RRN3: variants seen among roughly 807,000 people sequenced by gnomAD.
The protein encoded by RRN3 is RNA polymerase I-specific transcription initiation factor RRN3.
Under a neutral mutation model 82.3 loss-of-function variants are expected in RRN3, and 38 were observed. The ratio of observed to expected loss-of-function variants is 0.46; its 90% CI spans 0.36 to 0.61. The LOEUF (loss-of-function observed/expected upper bound fraction) is 0.61. Among genes scored for constraint, RRN3 ranks in the 20% least tolerant of loss-of-function variants. The pLI is 0.00. For missense variants in RRN3, 726 were observed against 793.1 expected, an observed-to-expected ratio of 0.92 and a Z score of 1.02; for synonymous variants, 284 against 284.3, an observed-to-expected ratio of 1.00 and a Z score of 0.01.
intron 12 of RRN3, 129 bp downstream of exon 12, chr16:15,072,821 G>T: frequency 1.1e-6 from 1 of 907,186 alleles, no homozygotes; most frequent in Non-Finnish European, 1.7e-6. Flanking sequence ...ATTTTATTAA[G>T]CAGACTAGCA....
intron 14 of RRN3, among the ~76,000 whole-genome samples, chr16:15,069,819 T>C (rs4012841): frequency 1.3e-5 from 2 of 152,204 alleles, no homozygotes; most frequent in African/African-American, 2.4e-5. Context: ...CATTTCAAAC[T>C]TTCAAAGGCA....
At chr16:15,086,001 G>A in intron 5 of RRN3, 128 bp downstream of exon 5, 1 of 657,876 alleles carries the variant, frequency 1.5e-6, no homozygotes, top group Non-Finnish European at 2.7e-6. Flanking sequence ...GGGAATATAT[G>A]TCTACCAGAC....
chr16:15,063,370 T>C, intron 16 of RRN3, 87 bp from the exon 17 acceptor site: 2 of 975,528 alleles, frequency 2.1e-6, no homozygotes, highest in South Asian at 2.6e-5. Flanking sequence ...CAAGATCTAT[T>C]ACCCAAAACC....
rs1429063890 is a variant in RRN3, at chr16:15,083,516, T to G, written c.663A>C (p.Thr221=). Residue 221 remains threonine (T), a synonymous_variant, in exon 8 of 18, where the codon ACA becomes ACC. Coordinates refer to ENST00000198767, the MANE Select transcript of RRN3 (RefSeq NM_018427.5). ...KFPFVRKSER[T]LECYVHNLLR... ...TCTCAATGAAAAGATTTCTTACCAG[T>G]GTTCTCTCTGATTTTCGAACAAATG... 10 of 1,609,244 alleles carry G rather than the reference T, an allele frequency of 6.2e-6. No individual in the cohort carries two copies. Among genetic ancestry groups the G allele is most frequent in the Non-Finnish European group, 8.5e-6 (10 of 1,179,176 alleles).
intron 9 of RRN3, among the ~76,000 whole-genome samples, chr16:15,079,528 T>G (rs2045607074): frequency 6.6e-6 from 1 of 152,186 alleles, no homozygotes; most frequent in African/African-American, 2.4e-5. Flanking sequence ...GAAGGAACTG[T>G]CTACAACTCC....
chr16:15,087,092 A>G (rs1188499854), intron 3 of RRN3, among the ~76,000 whole-genome samples: 6 of 152,232 alleles, frequency 3.9e-5, no homozygotes, highest in Non-Finnish European at 8.8e-5. Flanking sequence ...AGTGTCAATT[A>G]TGTAAAATAT....
At chr16:15,079,211 C>T (rs1399887931) in intron 9 of RRN3, among the ~76,000 whole-genome samples, 4 of 152,178 alleles carry the variant, frequency 2.6e-5, no homozygotes, top group Non-Finnish European at 5.9e-5. Flanking sequence ...GCCTCCCCTC[C>T]TCCAAACCAG....
At chr16:15,094,290 C>T, upstream of RRN3, 3 of 1,400,212 alleles carry the variant, frequency 2.1e-6, no homozygotes, top group South Asian at 1.2e-5. Context: ...TCCTTCCAGC[C>T]ACAGCCTCTG....
At position 15,061,837 on chromosome 16, in the gene RRN3, C is replaced by A; in HGVS notation, c.1863G>T (p.Gly621=). ...GEVPQNDTVI[G]ITPSSFDTHF... is the part of the protein sequence containing the mutation. The stretch of plus-strand genomic sequence containing the variant: ...GCGTGTCAAAGGAGCTTGGTGTGAT[C>A]CCAATCACGGTATCATTCTGGGGCA... Residue 621 remains glycine, a synonymous_variant, in exon 18 of 18, where the codon GGG becomes GGT. Coordinates refer to ENST00000198767, the MANE Select transcript of RRN3 (RefSeq NM_018427.5). 7 of 1,614,038 alleles carry A rather than the reference C, an allele frequency of 4.3e-6. No homozygotes were observed. The South Asian group carries it at 7.7e-5, about 18-fold the overall frequency.
chr16:15,063,662 G>A lies in RRN3; in HGVS notation c.1707-379C>T, dbSNP rs1329774178. Among the ~76,000 whole-genome samples, 9 of 130,612 alleles carry A rather than the reference G, an allele frequency of 6.9e-5. No homozygotes were observed. The Admixed American group carries it at 7.6e-4, about 11-fold the overall frequency. 85.7% of individuals were successfully genotyped at this position (130,612 alleles called of 152,430 possible). On this transcript the variant is annotated intron_variant, in intron 16 of 17. Coordinates refer to ENST00000198767, the MANE Select transcript of RRN3 (RefSeq NM_018427.5). ...GGAGCTTGCAGCGAGCCGAGATCGC[G>A]CCACTGCACTCCAGCCTGGGAGACA...
At chr16:15,076,984 T>C (rs1324505498) in intron 9 of RRN3, among the ~76,000 whole-genome samples, 1 of 150,994 alleles carries the variant, frequency 6.6e-6, no homozygotes, top group Non-Finnish European at 1.5e-5. Context: ...AAATCACTTT[T>C]TTTTTTTTTT....
At chr16:15,062,993 A>G (rs1743551944) in intron 17 of RRN3, among the ~76,000 whole-genome samples, 1 of 152,160 alleles carries the variant, frequency 6.6e-6, no homozygotes, top group Non-Finnish European at 1.5e-5. Flanking sequence ...ACAGGTGTGC[A>G]CCACCACGCC....
chr16:15,071,912 T>G (rs1257180590), intron 12 of RRN3, among the ~76,000 whole-genome samples: 1 of 152,136 alleles, frequency 6.6e-6, no homozygotes, highest in African/African-American at 2.4e-5. Flanking sequence ...CCAACAATAA[T>G]TCACATCCCA....
At chr16:15,084,012 G>A (rs1277249386) in intron 7 of RRN3, among the ~76,000 whole-genome samples, 3 of 152,130 alleles carry the variant, frequency 2.0e-5, no homozygotes, top group African/African-American at 4.8e-5. Flanking sequence ...CACCGCGCCC[G>A]GCCAGAACTG....
At chr16:15,093,636 G>C (rs2046230382) in intron 1 of RRN3, among the ~76,000 whole-genome samples, 1 of 152,214 alleles carries the variant, frequency 6.6e-6, no homozygotes, top group Admixed American at 6.5e-5. Context: ...AAAAAACATA[G>C]CATCCTAATG....
intron 16 of RRN3, among the ~76,000 whole-genome samples, chr16:15,063,947 T>C (rs1179579250): frequency 2.6e-5 from 4 of 152,152 alleles, no homozygotes; most frequent in African/African-American, 9.7e-5. Flanking sequence ...AACTCTCTTT[T>C]TTATATTTCT....
chr16:15,075,577 TAAAAAAGAA>T (rs1035310055), intron 10 of RRN3, among the ~76,000 whole-genome samples: 1 of 101,162 alleles, frequency 9.9e-6, no homozygotes, highest in Non-Finnish European at 2.4e-5. Flanking sequence ...TGTCTCAAAT[TAAAAAAGAA>T]AGAAAAGAAA....
chr16:15,079,596 CTT>C (rs35328128), intron 9 of RRN3, among the ~76,000 whole-genome samples: 175 of 142,978 alleles, frequency 1.2e-3, no homozygotes, highest in Middle Eastern at 3.7e-3. Context: ...GGTTTCTTTT[CTT>C]TTTTTTTTTT....
chr16:15,082,860 T>G (rs1721632105), intron 8 of RRN3, among the ~76,000 whole-genome samples: 1 of 152,196 alleles, frequency 6.6e-6, no homozygotes, highest in African/African-American at 2.4e-5. Context: ...TATGGAAGGC[T>G]TTGTCTTCAG....
Sources: allele counts gnomAD v4.1 joint callset (sites outside exome capture counted in the v4.1 genomes callset), GRCh38; gene constraint gnomAD v4.1.1; transcripts MANE v1.5; gene names NCBI Gene and HGNC (gene_info 2026-07-23, HGNC 2026-07-21).